Variants in CD5L observed in about 807,000 individuals in gnomAD.
CD5L encodes the protein CD5 antigen-like.
In CD5L, 39 loss-of-function variants were observed where a neutral mutation model predicts 40.8. The observed-to-expected ratio is 0.96, with a 90% CI of 0.74 to 1.25. CD5L has a LOEUF of 1.25. CD5L is among the 50% of genes most tolerant of loss of function. CD5L has a pLI of 0.00. For missense variants in CD5L, 433 were observed against 435.9 expected, an observed-to-expected ratio of 0.99 and a Z score of 0.06; for synonymous variants, 192 against 169.6, an observed-to-expected ratio of 1.13 and a Z score of -1.03.
intron 5 of CD5L, 74 bp from the exon 6 acceptor site, chr1:157,832,042 T>A: frequency 1.7e-6 from 2 of 1,173,324 alleles, no homozygotes; most frequent in Non-Finnish European, 2.4e-6. Flanking sequence ...AAACTCACAT[T>A]AGCTAAGGGA....
At chr1:157,838,106 A>G (rs1306686711) in intron 2 of CD5L, among the ~76,000 whole-genome samples, 1 of 152,140 alleles carries the variant, frequency 6.6e-6, no homozygotes, top group African/African-American at 2.4e-5. Context: ...TGCATCAGGA[A>G]GCTTATGTTT....
chr1:157,827,264 GT>G (rs1655924173), downstream of CD5L, among the ~76,000 whole-genome samples: 2 of 96,314 alleles, frequency 2.1e-5, no homozygotes, highest in African/African-American at 7.7e-5. Context: ...AGGACAAATG[GT>G]GTATGTGTGT....
chr1:157,841,531 A>T (rs1291176926), intron 1 of CD5L, 143 bp downstream of exon 1: 5 of 678,864 alleles, frequency 7.4e-6, no homozygotes, highest in African/African-American at 1.8e-5. Flanking sequence ...TAAGGATTAG[A>T]ATAGTTACCA....
chr1:157,837,845 G>A (rs957136686), intron 2 of CD5L, among the ~76,000 whole-genome samples: 6 of 147,466 alleles, frequency 4.1e-5, no homozygotes, highest in East Asian at 4.0e-4. Context: ...GCACGATTTC[G>A]GCTCACTGCA....
chr1:157,829,357 G>A (rs1406027769), downstream of CD5L, among the ~76,000 whole-genome samples: 3 of 152,226 alleles, frequency 2.0e-5, no homozygotes, highest in East Asian at 1.9e-4. Context: ...GTTGAAGAGA[G>A]CTTTTCCAAC....
chr1:157,841,131 T>C (rs1031579108), intron 1 of CD5L, among the ~76,000 whole-genome samples: 3 of 152,166 alleles, frequency 2.0e-5, no homozygotes, highest in African/African-American at 7.2e-5. Flanking sequence ...AACCTACGAA[T>C]TCACACCGCT....
In CD5L at chr1:157,841,761, G is replaced by T. The variant is rs544440054; in HGVS notation, c.-60C>A. 8.2e-5 allele frequency: 121 copies of T among 1,468,910 alleles called. 2 individuals carry two copies. In the South Asian group the frequency reaches 1.4e-3, roughly 16 times the overall value. The allele number at this position is 1,468,910 out of a possible 1,614,324, so 91.0% of individuals were successfully genotyped here. A position where few individuals can be genotyped will look rare whatever the true frequency, so the allele number is the denominator to read the frequency against. On this transcript the variant is annotated 5_prime_UTR_variant, in exon 1 of 6. In the 5' UTR this introduces an upstream ATG that the reference lacks. Coordinates refer to ENST00000368174, the MANE Select transcript of CD5L (RefSeq NM_005894.3). Reference sequence around the variant, plus strand: ...AAGGCTAGAAGGAGGTCCCCAAGCAGCAATATTTAGTTTTAGCTGCAAGTA... The same window carrying T: ...AAGGCTAGAAGGAGGTCCCCAAGCATCAATATTTAGTTTTAGCTGCAAGTA...
intron 5 of CD5L, 125 bp downstream of exon 5, chr1:157,833,067 G>A (rs1656091322): frequency 1.3e-6 from 1 of 768,418 alleles, no homozygotes; most frequent in Non-Finnish European, 2.2e-6. Flanking sequence ...CAGAGCAGGT[G>A]ATGACTATGA....
Position 157,839,367 on chromosome 1 carries a change from A to G in CD5L, c.55+17T>C, listed in dbSNP as rs1342076831. 10 of 1,613,470 alleles carry G rather than the reference A, an allele frequency of 6.2e-6. No homozygotes were observed. Among genetic ancestry groups the G allele is most frequent in the Non-Finnish European group, 7.6e-6 (9 of 1,179,742 alleles). On this transcript the variant is annotated intron_variant, in intron 2 of 5. Coordinates refer to ENST00000368174, the MANE Select transcript of CD5L (RefSeq NM_005894.3). ...TAAGCTTGAGGCCTCCCTCTCAGAA[A>G]CCCCCAAAAATCTTACCTAGGAATC...
intron 2 of CD5L, among the ~76,000 whole-genome samples, chr1:157,836,851 T>G (rs1187771654): frequency 6.6e-6 from 1 of 152,098 alleles, no homozygotes; most frequent in African/African-American, 2.4e-5. Context: ...CCCCAAGAGT[T>G]TGGTCTAATT....
At chr1:157,828,993 G>A (rs559679667), downstream of CD5L, among the ~76,000 whole-genome samples, 2 of 152,180 alleles carry the variant, frequency 1.3e-5, no homozygotes, top group Non-Finnish European at 2.9e-5. Context: ...AGATCTAATA[G>A]GCATCAGAAT....
In CD5L at chr1:157,833,239, C is replaced by T. The variant is rs1277394286; in HGVS notation, c.992G>A (p.Gly331Glu). 4 of 1,614,024 alleles carry T rather than the reference C, an allele frequency of 2.5e-6. No homozygotes were observed. Among genetic ancestry groups the T allele is most frequent in the Non-Finnish European group, 3.4e-6 (4 of 1,180,016 alleles). Residue 331 changes from glycine to glutamate, a missense_variant, in exon 5 of 6, where the codon GGG becomes GAG. Coordinates refer to ENST00000368174, the MANE Select transcript of CD5L (RefSeq NM_005894.3). ...SLEQCQHRFW[G>E]FHDCTHQEDV... ...TTCCTGGTGGGTGCAGTCGTGAAAC[C>T]CCCAAAATCTGTGCTGGCACTGCTC... is the stretch of plus-strand genomic sequence containing the variant.
At chr1:157,832,071 T>A (rs183201613) in intron 5 of CD5L, 103 bp from the exon 6 acceptor site, 6 of 929,420 alleles carry the variant, frequency 6.5e-6, no homozygotes, top group Non-Finnish European at 8.1e-6. Flanking sequence ...GGGCTCAACA[T>A]AGGAAAAAGA....
downstream of CD5L, among the ~76,000 whole-genome samples, chr1:157,827,743 C>A (rs1655941817): frequency 6.6e-6 from 1 of 152,134 alleles, no homozygotes; most frequent in Non-Finnish European, 1.5e-5. Flanking sequence ...CCCCATGACT[C>A]AGTGAAATTA....
At chr1:157,827,318 A>G (rs1471146344), downstream of CD5L, among the ~76,000 whole-genome samples, 3 of 147,670 alleles carry the variant, frequency 2.0e-5, no homozygotes, top group South Asian at 2.2e-4. Context: ...GTGTGTTATA[A>G]TGTATTTAAG....
At chr1:157,827,227 T>C (rs1246973946), downstream of CD5L, among the ~76,000 whole-genome samples, 2 of 152,002 alleles carry the variant, frequency 1.3e-5, no homozygotes, top group Non-Finnish European at 2.9e-5. Flanking sequence ...CCAAAATCTG[T>C]ATTTTGTCAG....
In CD5L at chr1:157,836,164, A is replaced by G. The variant is rs1557941667; in HGVS notation, c.56-9T>C. 7 of 1,606,286 alleles carry G rather than the reference A, an allele frequency of 4.4e-6. No individual in the cohort carries two copies. Among genetic ancestry groups the G allele is most frequent in the Non-Finnish European group, 6.0e-6 (7 of 1,175,704 alleles). On this transcript the variant is annotated splice_polypyrimidine_tract_variant and intron_variant, in intron 2 of 5. Transcript: ENST00000368174. The stretch of plus-strand genomic sequence containing the variant: ...CACTCCAGATGGAGACGCTGCAAAG[A>G]GACGGGTTGTTAGCTAGAGGCCTGA...
In CD5L at chr1:157,841,708, G is replaced by A. The variant is rs747212862; in HGVS notation, c.-7C>T. The A allele has an allele frequency of 1.9e-6, 3 of 1,612,846 alleles. No homozygotes were observed. ...AGGAGAATAGCAGAGCCATGACCAA[G>A]GCAGGTGAAGGTGATGAGCTGAAAT... On this transcript the variant is annotated 5_prime_UTR_variant, in exon 1 of 6. Transcript: ENST00000368174.
chr1:157,839,097 G>A (rs1656295195), intron 2 of CD5L, among the ~76,000 whole-genome samples: 1 of 152,238 alleles, frequency 6.6e-6, no homozygotes, highest in African/African-American at 2.4e-5. Context: ...AGGCAGTGAA[G>A]TGCATTCTAG....
Sources: gnomAD v4.1 joint callset for allele counts (sites outside exome capture counted in the v4.1 genomes callset) on GRCh38, gnomAD v4.1.1 for gene constraint, MANE v1.5 for transcripts, NCBI Gene and HGNC (gene_info 2026-07-23, HGNC 2026-07-21) for gene names.